ZNF880: variants seen among roughly 807,000 people sequenced by gnomAD.
The protein encoded by ZNF880 is zinc finger protein 880.
Under a neutral mutation model 11.8 loss-of-function variants are expected in ZNF880, and 12 were observed. The observed-to-expected ratio is 1.02, with a 90% confidence interval of 0.65 to 1.65. The LOEUF (loss-of-function observed/expected upper bound fraction) is 1.65, where lower values mean the gene tolerates loss of function less well. Ranked by LOEUF, ZNF880 falls within the 40% of genes most tolerant of loss-of-function variation. ZNF880 has a pLI of 0.00. For missense variants in ZNF880, 601 were observed against 673.9 expected (o/e 0.89, Z 1.20); for synonymous variants, 210 against 232.4 (o/e 0.90, Z 0.88).
At chr19:52,369,835 G>T, upstream of ZNF880, 1 of 1,213,882 alleles carries the variant, frequency 8.2e-7, no homozygotes, top group Non-Finnish European at 1.2e-6. Context: ...TCCAAAACGA[G>T]ACGAGCTGGG....
downstream of ZNF880, among the ~76,000 whole-genome samples, chr19:52,388,467 A>G (rs914138475): frequency 1.3e-5 from 2 of 150,616 alleles, no homozygotes; most frequent in African/African-American, 4.9e-5. Context: ...TAATAGAGAC[A>G]GGGTTTCACC....
chr19:52,396,317 T>G, the ZNF880 span: 18 of 152,130 alleles, frequency 1.2e-4, no homozygotes, highest in African/African-American at 3.9e-4. Context: ...TGCACTGACC[T>G]CCCTGGATCT....
At chr19:52,394,860 GA>G in the ZNF880 span, 134,429 of 152,042 alleles carry the variant, frequency 0.88, 59,474 homozygotes, top group Admixed American at 0.91. Flanking sequence ...TTAAAGGTGA[GA>G]AAAAAAATCT....
Position 52,385,411 on chromosome 19 carries a change from T to G in ZNF880, c.*97T>G. The stretch of plus-strand genomic sequence containing the variant: ...TTCTTACAAACTGAGTATGGCAAAC[T>G]CTTCATGCTAAGTTCTAGCATTAAT... On this transcript the variant is annotated 3_prime_UTR_variant, in exon 4 of 4. Transcript: ENST00000422689. The G allele has an allele frequency of 2.3e-6, 3 of 1,328,330 alleles. No homozygotes were observed. The highest frequency in any genetic ancestry group is 3.1e-6 in the Non-Finnish European group (3 of 975,880). 82.3% of individuals were successfully genotyped at this position (1,328,330 alleles called of 1,614,324 possible).
In ZNF880 at chr19:52,374,356, G is replaced by A. The variant is rs1223919616; in HGVS notation, c.197G>A (p.Arg66Gln). ...ATGTTGGAGCAAAGGAGAGATCCCCGGAATCTGCAGAGTGAAGTGAAAATA... is the reference window on the plus strand; with the variant it reads ...ATGTTGGAGCAAAGGAGAGATCCCCAGAATCTGCAGAGTGAAGTGAAAATA... Reference protein sequence around the residue: ...ISMLEQRRDPRNLQSEVKIAN... With the variant: ...ISMLEQRRDPQNLQSEVKIAN... Residue 66 changes from arginine (R) to glutamine (Q), a missense_variant, in exon 3 of 4, where the codon CGG becomes CAG. Arg to Gln is a conservative substitution (Grantham distance 43). Transcript: ENST00000422689. 1.7e-5 allele frequency: 27 copies of A among 1,613,446 alleles called. No individual in the cohort carries two copies. Among genetic ancestry groups the A allele is most frequent in the South Asian group, 3.3e-5 (3 of 90,996 alleles).
chr19:52,369,469 A>C (rs1232795299), upstream of ZNF880, among the ~76,000 whole-genome samples: 1 of 151,854 alleles, frequency 6.6e-6, no homozygotes, highest in Non-Finnish European at 1.5e-5. Flanking sequence ...AGGACTTTAA[A>C]ATTCCGGAAA....
At chr19:52,368,730 C>T (rs1238590429), upstream of ZNF880, among the ~76,000 whole-genome samples, 4 of 151,888 alleles carry the variant, frequency 2.6e-5, no homozygotes, top group African/African-American at 7.3e-5. Context: ...TCCTACATTG[C>T]CTCCAAATTC....
Position 52,373,211 on chromosome 19 carries a change from A to G in ZNF880, c.113A>G (p.Glu38Gly), listed in dbSNP as rs73934441. The change falls in exon 2 of 4, where the codon GAG becomes GGG. Residue 38 changes from glutamate to glycine, a missense_variant. This residue lies in a region of ZNF880 where 420 missense variants were observed against 442.6 expected (regional missense o/e 0.95). Transcript: ENST00000422689. ...QRTLYREVMVENYRNLVFLGI... is the reference protein window; with the variant it reads ...QRTLYREVMVGNYRNLVFLGI... ...ACTTTATACAGGGAAGTGATGGTGG[A>G]GAACTACAGGAACCTGGTCTTTCTG... 1,400 of 1,613,082 alleles carry G rather than the reference A, an allele frequency of 8.7e-4. 9 individuals are homozygous for G. The African/African-American group carries it at 0.016, about 18-fold the overall frequency.
chr19:52,376,496 G>GC lies in ZNF880; in HGVS notation c.268+2082dup, dbSNP rs772625389. ...ATTGTCTATTCATGTCCTTAGCACC[G>GC]CCCCCCCCCCCCCTTTTTTTTTTTT... On this transcript the variant is annotated intron_variant, in intron 3 of 3. Coordinates refer to ENST00000422689, the MANE Select transcript of ZNF880 (RefSeq NM_001145434.2). Among the ~76,000 whole-genome samples, 468 of 51,122 alleles carry GC rather than the reference G, an allele frequency of 9.2e-3. 6 individuals are homozygous for GC. Among genetic ancestry groups the GC allele is most frequent in the East Asian group, 0.025 (25 of 996 alleles). 33.5% of individuals were successfully genotyped at this position (51,122 alleles called of 152,430 possible).
chr19:52,392,865 C>G, the ZNF880 span: 4 of 167,162 alleles, frequency 2.4e-5, no homozygotes, highest in African/African-American at 9.7e-5. Context: ...GCTCTGTTAG[C>G]CAGGTTGGAG....
At chr19:52,375,313 A>G (rs1986520792) in intron 3 of ZNF880, among the ~76,000 whole-genome samples, 1 of 151,522 alleles carries the variant, frequency 6.6e-6, no homozygotes, top group Non-Finnish European at 1.5e-5. Context: ...CAGGCTCCCA[A>G]GTAGCTGGGA....
downstream of ZNF880, among the ~76,000 whole-genome samples, chr19:52,387,842 T>C (rs1986927894): frequency 7.0e-6 from 1 of 142,454 alleles, no homozygotes; most frequent in Admixed American, 6.9e-5. Context: ...GTCTTTTTTT[T>C]TTTTCCTAGT....
intron 3 of ZNF880, among the ~76,000 whole-genome samples, chr19:52,376,591 C>T (rs1986565027): frequency 6.9e-6 from 1 of 144,712 alleles, no homozygotes. Context: ...CCCCCTGCAA[C>T]CTCCACCTCC....
chr19:52,374,211 A>ATTT lies in ZNF880; in HGVS notation c.140-76_140-74dup, dbSNP rs35732198. The ATTT allele has an allele frequency of 5.3e-3, 5,255 of 987,614 alleles. 172 individuals are homozygous for ATTT. The African/African-American group carries it at 0.081, about 15-fold the overall frequency. The allele number at this position is 987,614 out of a possible 1,614,324, so 61.2% of individuals were successfully genotyped here. On this transcript the variant is annotated intron_variant, in intron 2 of 3. Coordinates refer to ENST00000422689, the MANE Select transcript of ZNF880 (RefSeq NM_001145434.2). ...AGGCACCCGCCACCACGCCCCGCTAATTTTTTTTTTTTTTGTATTTTTTAG... is the reference window on the plus strand; with the variant it reads ...AGGCACCCGCCACCACGCCCCGCTAATTTTTTTTTTTTTTTTTGTATTTTTTAG...
At position 52,384,516 on chromosome 19, in the gene ZNF880, A is replaced by C. The variant is rs571149959; in HGVS notation, c.936A>C (p.Ala312=). The change falls in exon 4 of 4, where the codon GCA becomes GCC. Residue 312 remains alanine, a synonymous_variant. Transcript: ENST00000422689. ...GKVFNRNAHL[A]RHQKIHSGEK... ...TCTTCAACAGAAATGCACACCTTGC[A>C]CGACATCAGAAAATTCATAGTGGAG... 62 of 1,613,926 alleles carry C rather than the reference A, an allele frequency of 3.8e-5. No homozygotes were observed. In the East Asian group the frequency reaches 1.4e-3, roughly 36 times the overall value.
chr19:52,396,985 C>T, the ZNF880 span: 1 of 152,208 alleles, frequency 6.6e-6, no homozygotes, highest in African/African-American at 2.4e-5. Context: ...GTGGTGGCTA[C>T]TCTGGAGGCT....
chr19:52,384,931 C>A lies in ZNF880; in HGVS notation c.1351C>A (p.Leu451Ile). Residue 451 changes from leucine to isoleucine, a missense_variant, in exon 4 of 4, where the codon CTA (leucine) becomes ATA (isoleucine). Leu to Ile is a conservative substitution (Grantham distance 5). Transcript: ENST00000422689. ...CAAGGTCTTCAGGCATAGATTATCC[C>A]TAAGCAATCATCAGAGATTTCATAC... The part of the protein sequence containing the change: ...CAKVFRHRLS[L>I]SNHQRFHTGE... The A allele has an allele frequency of 6.3e-7, 1 of 1,590,200 alleles. No homozygotes were observed. The highest frequency in any genetic ancestry group is 8.6e-7 in the Non-Finnish European group (1 of 1,167,096).
chr19:52,383,663 A>G (rs551347113), intron 3 of ZNF880, among the ~76,000 whole-genome samples, 186 bp from the exon 4 acceptor site: 2 of 152,308 alleles, frequency 1.3e-5, no homozygotes, highest in Admixed American at 6.5e-5. Flanking sequence ...TGACTCCTGC[A>G]GGTTCCCCAC....
At position 52,384,151 on chromosome 19, in the gene ZNF880, A is replaced by ATT. The variant is rs1986783907; in HGVS notation, c.571_572insTT (p.Lys191IlefsTer15). 6.2e-7 allele frequency: 1 copy of ATT among 1,606,930 alleles called. No homozygotes were observed. Among genetic ancestry groups the ATT allele is most frequent in the Non-Finnish European group, 8.5e-7 (1 of 1,176,328 alleles). ...ACCGTGTGAATGTAATGAGCATGGCAAAGCCTTTAGAGTGTCTTCAAGACT... is the reference window on the plus strand; with the variant it reads ...ACCGTGTGAATGTAATGAGCATGGCATTAAGCCTTTAGAGTGTCTTCAAGACT... On this transcript the variant is annotated frameshift_variant, in exon 4 of 4. Transcript: ENST00000422689. LOFTEE classifies it low-confidence loss of function (END_TRUNC).
Sources: allele counts gnomAD v4.1 joint callset (sites outside exome capture counted in the v4.1 genomes callset), GRCh38; gene constraint gnomAD v4.1.1; regional missense constraint gnomAD v4.1.1; transcripts MANE v1.5; gene names NCBI Gene and HGNC (gene_info 2026-07-23, HGNC 2026-07-21).